Variants in EPB41L2 observed in about 807,000 individuals in gnomAD.
EPB41L2 encodes the protein band 4.1-like protein 2.
A neutral mutation model predicts 113.0 loss-of-function variants in EPB41L2; 43 were observed. The ratio of observed to expected loss-of-function variants is 0.38; its 90% CI spans 0.30 to 0.49. The LOEUF (loss-of-function observed/expected upper bound fraction) is 0.49, where lower values mean the gene tolerates loss of function less well. Among genes scored for constraint, EPB41L2 ranks in the 20% least tolerant of loss-of-function variants. The pLI is 0.95. For missense variants in EPB41L2, 1,147 were observed against 1,223.4 expected, an observed-to-expected ratio of 0.94 and a Z score of 0.93; for synonymous variants, 442 against 436.7, an observed-to-expected ratio of 1.01 and a Z score of -0.15.
chr6:131,021,441 T>C (rs373535946), intron 1 of EPB41L2, among the ~76,000 whole-genome samples: 28 of 152,088 alleles, frequency 1.8e-4, no homozygotes, highest in Non-Finnish European at 3.5e-4. Context: ...CCCCAAAATA[T>C]GGCAACTTTT....
intron 1 of EPB41L2, among the ~76,000 whole-genome samples, chr6:130,980,576 G>A (rs1484173276): frequency 6.6e-6 from 1 of 151,442 alleles, no homozygotes; most frequent in Non-Finnish European, 1.5e-5. Context: ...AGGGGCAGGG[G>A]TGGGGTGGAT....
chr6:131,043,211 G>C (rs1246016234), intron 1 of EPB41L2, among the ~76,000 whole-genome samples: 1 of 152,116 alleles, frequency 6.6e-6, no homozygotes, highest in African/African-American at 2.4e-5. Context: ...TGAGGCAGCA[G>C]AATCGCTTGA....
At chr6:131,023,635 A>G (rs1790037703) in intron 1 of EPB41L2, among the ~76,000 whole-genome samples, 2 of 151,954 alleles carry the variant, frequency 1.3e-5, no homozygotes, top group Non-Finnish European at 2.9e-5. Flanking sequence ...CAGTGAGCCA[A>G]GATCGTGCCA....
chr6:130,870,263 C>T (rs956050206), intron 14 of EPB41L2, 137 bp from the exon 15 acceptor site: 67 of 1,537,100 alleles, frequency 4.4e-5, no homozygotes, highest in African/African-American at 8.3e-5. Flanking sequence ...GAAAGGGAAG[C>T]GGGGCAAACG....
chr6:131,039,189 T>G (rs1321447444), intron 1 of EPB41L2, among the ~76,000 whole-genome samples: 1 of 152,196 alleles, frequency 6.6e-6, no homozygotes, highest in Non-Finnish European at 1.5e-5. Context: ...AAGGTTGACC[T>G]TCTCTCAACA....
chr6:130,889,032 C>CTA (rs1166223470), intron 11 of EPB41L2, among the ~76,000 whole-genome samples: 1 of 152,032 alleles, frequency 6.6e-6, no homozygotes, highest in Non-Finnish European at 1.5e-5. Context: ...CATCTGTTAG[C>CTA]ATTATTTGAT....
chr6:130,894,393 C>A lies in EPB41L2; in HGVS notation c.1438G>T (p.Ala480Ser), dbSNP rs777717612. ...CACACTTTCCATAGTCTTTTCGCTG[C>A]CCGGTGGTTTGGCAGTTTGAATCCA... ...TIGFKLPNHR[A>S]AKRLWKVCVE... Residue 480 changes from alanine to serine, a missense_variant, in exon 10 of 20, where the codon GCA becomes TCA. By Grantham distance (99) the Ala-to-Ser change is moderately conservative. Coordinates refer to ENST00000337057, the MANE Select transcript of EPB41L2 (RefSeq NM_001431.4). 6.2e-7 allele frequency: 1 copy of A among 1,613,886 alleles called. No homozygotes were observed. The highest frequency in any genetic ancestry group is 1.1e-5 in the South Asian group (1 of 91,076).
intron 1 of EPB41L2, among the ~76,000 whole-genome samples, chr6:131,037,650 G>A (rs1297149520): frequency 6.9e-6 from 1 of 144,876 alleles, no homozygotes; most frequent in Non-Finnish European, 1.5e-5. Flanking sequence ...GTGCACTGGT[G>A]CAACCTTGGC....
At chr6:131,041,680 T>C (rs1273234621) in intron 1 of EPB41L2, among the ~76,000 whole-genome samples, 4 of 151,908 alleles carry the variant, frequency 2.6e-5, no homozygotes, top group East Asian at 1.9e-4. Flanking sequence ...GGAAACTCTA[T>C]AGAGCAAACA....
intron 1 of EPB41L2, among the ~76,000 whole-genome samples, chr6:131,059,378 A>G (rs2128208511): frequency 6.6e-6 from 1 of 152,222 alleles, no homozygotes; most frequent in African/African-American, 2.4e-5. Context: ...CCTCCCAAAG[A>G]GGTGGGATTA....
chr6:130,981,067 C>T (rs112423843), intron 1 of EPB41L2, among the ~76,000 whole-genome samples: 1,599 of 152,044 alleles, frequency 0.011, 37 homozygotes, highest in African/African-American at 0.037. Context: ...AAAATATGGT[C>T]AACCACCCAG....
At position 130,857,151 on chromosome 6, in the gene EPB41L2, T is replaced by C. The variant is rs796403423; in HGVS notation, c.*5+980A>G. ...ATTGTCCTCCATAAAATATTACTAA[T>C]TTATACAGCAGTATATATTTCCTGC... On this transcript the variant is annotated intron_variant, in intron 19 of 19. Coordinates refer to ENST00000337057, the MANE Select transcript of EPB41L2 (RefSeq NM_001431.4). Among the ~76,000 whole-genome samples the C allele has an allele frequency of 1.1e-4, 16 of 152,356 alleles. 1 individual carries two copies. The highest frequency in any genetic ancestry group is 3.8e-4 in the African/African-American group (16 of 41,584).
At chr6:130,898,905 T>G (rs1167866184) in intron 8 of EPB41L2, among the ~76,000 whole-genome samples, 1 of 152,148 alleles carries the variant, frequency 6.6e-6, no homozygotes, top group Non-Finnish European at 1.5e-5. Context: ...ATGACTGGCT[T>G]CCCATGTCCC....
At chr6:130,984,830 G>A (rs9492777) in intron 1 of EPB41L2, among the ~76,000 whole-genome samples, 4 of 152,094 alleles carry the variant, frequency 2.6e-5, no homozygotes, top group East Asian at 3.9e-4. Flanking sequence ...ACAGATTTAC[G>A]GGCTTGGGAC....
intron 1 of EPB41L2, among the ~76,000 whole-genome samples, chr6:130,966,993 C>G (rs1429718432): frequency 6.6e-6 from 1 of 152,204 alleles, no homozygotes; most frequent in Non-Finnish European, 1.5e-5. Flanking sequence ...TACCCCCAAT[C>G]TAGATTGTTC....
chr6:130,968,549 C>G (rs938972314), intron 1 of EPB41L2, among the ~76,000 whole-genome samples: 3 of 152,160 alleles, frequency 2.0e-5, no homozygotes, highest in African/African-American at 7.2e-5. Context: ...AATGACACTT[C>G]TAGCTTAAGC....
intron 3 of EPB41L2, among the ~76,000 whole-genome samples, chr6:130,948,821 C>T (rs1280906243): frequency 6.6e-6 from 1 of 152,110 alleles, no homozygotes; most frequent in African/African-American, 2.4e-5. Flanking sequence ...AAAGAAAGGG[C>T]TATCCACGAA....
chr6:130,904,633 C>T, intron 5 of EPB41L2, 93 bp from the exon 6 acceptor site: 1 of 565,278 alleles, frequency 1.8e-6, no homozygotes, highest in Non-Finnish European at 2.9e-6. Flanking sequence ...ACAGTACAGA[C>T]TAATCCAACT....
intron 19 of EPB41L2, 84 bp downstream of exon 19, chr6:130,858,047 T>A: frequency 9.3e-7 from 1 of 1,076,974 alleles, no homozygotes; most frequent in Non-Finnish European, 1.4e-6. Flanking sequence ...GACACTGATA[T>A]GAACTTTCAT....
Sources: gnomAD v4.1 joint callset for allele counts (sites outside exome capture counted in the v4.1 genomes callset) on GRCh38, gnomAD v4.1.1 for gene constraint, MANE v1.5 for transcripts, NCBI Gene and HGNC (gene_info 2026-07-23, HGNC 2026-07-21) for gene names.